The following ALPK2 variants were observed in gnomAD, a reference collection of about 807,000 sequenced individuals.
ALPK2 encodes alpha kinase 2.
ALPK2 carries 127 observed loss-of-function variants against 163.1 expected under a neutral mutation model. The observed-to-expected ratio is 0.78, with a 90% CI of 0.67 to 0.90. ALPK2 has a LOEUF of 0.90. Ranked by LOEUF, ALPK2 falls within the 40% of genes least tolerant of loss-of-function variation. The pLI, the probability that ALPK2 is intolerant of heterozygous loss-of-function variation, is 0.00. For synonymous variants in ALPK2, 953 were observed against 959.1 expected, an observed-to-expected ratio of 0.99 and a Z score of 0.12; for missense variants, 2,360 against 2,589.6, an observed-to-expected ratio of 0.91 and a Z score of 1.92.
intron 1 of ALPK2, among the ~76,000 whole-genome samples, chr18:58,617,600 T>G (rs1158949944): frequency 6.6e-6 from 1 of 152,242 alleles, no homozygotes; most frequent in African/African-American, 2.4e-5. Context: ...GCATCATCTC[T>G]CCATCTCAGT....
intron 10 of ALPK2, among the ~76,000 whole-genome samples, chr18:58,512,728 GGTGT>G (rs1040106425): frequency 8.1e-6 from 1 of 123,264 alleles, no homozygotes. Flanking sequence ...TATTGTCTGT[GGTGT>G]GTGTGTTATG....
chr18:58,625,801 T>C (rs1265477610), intron 1 of ALPK2, among the ~76,000 whole-genome samples: 1 of 152,230 alleles, frequency 6.6e-6, no homozygotes, highest in Non-Finnish European at 1.5e-5. Context: ...TAACCAGAAC[T>C]GAACTCTCGG....
intron 4 of ALPK2, among the ~76,000 whole-genome samples, chr18:58,559,196 A>G (rs2051811133): frequency 6.6e-6 from 1 of 152,126 alleles, no homozygotes; most frequent in Non-Finnish European, 1.5e-5. Flanking sequence ...ACCCCATGGG[A>G]CCTGTGGCAG....
chr18:58,495,160 T>C (rs1285166117), intron 12 of ALPK2, among the ~76,000 whole-genome samples: 1 of 152,224 alleles, frequency 6.6e-6, no homozygotes, highest in African/African-American at 2.4e-5. Flanking sequence ...CCACCTCTTA[T>C]GCTCTGTTTG....
At chr18:58,498,791 C>CCT (rs2051415441) in intron 11 of ALPK2, among the ~76,000 whole-genome samples, 1 of 152,206 alleles carries the variant, frequency 6.6e-6, no homozygotes, top group Non-Finnish European at 1.5e-5. Context: ...CCATGTAAGA[C>CCT]GTGCCTTCCG....
At chr18:58,569,974 C>CA (rs545918240) in intron 4 of ALPK2, among the ~76,000 whole-genome samples, 31 of 152,134 alleles carry the variant, frequency 2.0e-4, no homozygotes, top group African/African-American at 7.2e-4. Context: ...ACTAAAAATA[C>CA]AAAAAATTAG....
intron 12 of ALPK2, among the ~76,000 whole-genome samples, chr18:58,490,499 G>A (rs550378820): frequency 7.1e-4 from 108 of 151,898 alleles, no homozygotes; most frequent in Non-Finnish European, 1.3e-3. Context: ...CTTGGTTCCT[G>A]GCACTCTCTG....
chr18:58,494,328 A>T (rs1163874905), intron 12 of ALPK2, among the ~76,000 whole-genome samples: 1 of 152,200 alleles, frequency 6.6e-6, no homozygotes, highest in African/African-American at 2.4e-5. Context: ...TCCAGACATA[A>T]TTATATCTCT....
intron 4 of ALPK2, among the ~76,000 whole-genome samples, chr18:58,541,279 A>G (rs886840196): frequency 1.3e-5 from 2 of 152,262 alleles, no homozygotes; most frequent in Non-Finnish European, 2.9e-5. Context: ...AGCAGGACCA[A>G]GAGCGAGCAA....
At chr18:58,617,865 C>T (rs1028687049) in intron 1 of ALPK2, among the ~76,000 whole-genome samples, 1 of 152,116 alleles carries the variant, frequency 6.6e-6, no homozygotes, top group Admixed American at 6.5e-5. Flanking sequence ...ATTGGTATTC[C>T]ATAGTATAGC....
intron 4 of ALPK2, among the ~76,000 whole-genome samples, chr18:58,555,891 G>A (rs926615560): frequency 3.3e-5 from 5 of 152,126 alleles, no homozygotes; most frequent in Admixed American, 2.6e-4. Flanking sequence ...GCACAATCTC[G>A]TCTCACTGCA....
At chr18:58,585,354 A>G (rs766649975) in intron 3 of ALPK2, among the ~76,000 whole-genome samples, 34 of 152,372 alleles carry the variant, frequency 2.2e-4, no homozygotes, top group Admixed American at 6.5e-4. Flanking sequence ...TATGGAAAAC[A>G]AATATATTTT....
chr18:58,574,952 G>A (rs1379104719), intron 4 of ALPK2, among the ~76,000 whole-genome samples: 1 of 152,094 alleles, frequency 6.6e-6, no homozygotes, highest in Non-Finnish European at 1.5e-5. Flanking sequence ...GGTGGCTCAC[G>A]CCTGTAATCC....
At chr18:58,496,242 C>T (rs1245887964) in intron 12 of ALPK2, among the ~76,000 whole-genome samples, 2 of 152,162 alleles carry the variant, frequency 1.3e-5, no homozygotes, top group African/African-American at 4.8e-5. Context: ...AGGGTATGAA[C>T]TGGGTCTCGC....
intron 8 of ALPK2, 56 bp from the exon 9 acceptor site, chr18:58,517,238 C>T: frequency 6.4e-7 from 1 of 1,561,814 alleles, no homozygotes; most frequent in East Asian, 2.3e-5. Context: ...TGCTCCTTGG[C>T]TAACTCCACA....
chr18:58,600,239 G>A (rs1184216817), intron 3 of ALPK2, among the ~76,000 whole-genome samples: 2 of 152,012 alleles, frequency 1.3e-5, no homozygotes, highest in African/African-American at 2.4e-5. Context: ...GTTTCACCAT[G>A]TTGTCCAGGC....
intron 8 of ALPK2, among the ~76,000 whole-genome samples, chr18:58,522,488 C>T (rs969985207): frequency 3.9e-5 from 6 of 152,112 alleles, no homozygotes; most frequent in Admixed American, 1.3e-4. Context: ...GTGGGAGGCC[C>T]GGGGACATCA....
At position 58,566,011 on chromosome 18, in the gene ALPK2, G is replaced by C. The variant is rs573381795; in HGVS notation, c.1962+12803C>G. Among the ~76,000 whole-genome samples the C allele has an allele frequency of 5.9e-4, 90 of 152,228 alleles. 1 individual carries two copies. Among genetic ancestry groups the C allele is most frequent in the East Asian group, 7.7e-4 (4 of 5,174 alleles). On this transcript the variant is annotated intron_variant, in intron 4 of 12. Transcript: ENST00000361673. ...TTGGCCAGGCTGGTCTAGGACTCCT[G>C]ACCTCATGATCCACCTGCCTCGGGC... is the stretch of plus-strand genomic sequence containing the variant.
chr18:58,541,340 C>A (rs1256950834), intron 4 of ALPK2, among the ~76,000 whole-genome samples: 2 of 152,228 alleles, frequency 1.3e-5, no homozygotes, highest in African/African-American at 2.4e-5. Context: ...AGAACTCACT[C>A]ATTGTCACGA....
Sources: allele counts gnomAD v4.1 joint callset (sites outside exome capture counted in the v4.1 genomes callset), GRCh38; gene constraint gnomAD v4.1.1; transcripts MANE v1.5; gene names NCBI Gene and HGNC (gene_info 2026-07-23, HGNC 2026-07-21).